CHI3L1: variants seen among roughly 807,000 people sequenced by gnomAD.
CHI3L1 encodes chitinase 3 like 1, also known as chitinase-3-like protein 1.
In CHI3L1, 30 loss-of-function variants were observed where a neutral mutation model predicts 40.7. That is an observed-to-expected ratio of 0.74 (90% confidence interval 0.55 to 1.00). The LOEUF (loss-of-function observed/expected upper bound fraction) is 1.00, where lower values mean the gene tolerates loss of function less well. CHI3L1 is among the 50% of genes least tolerant of loss of function. The probability of loss-of-function intolerance (pLI) is 0.00; values close to 1 mark genes in which losing one functional copy is unlikely to be tolerated. For synonymous variants in CHI3L1, 210 were observed against 192.1 expected (o/e 1.09, Z -0.77); for missense variants, 493 against 492.2 (o/e 1.00, Z -0.01).
chr1:203,182,717 G>C lies in CHI3L1; in HGVS notation c.587+14C>G. 1.2e-6 allele frequency: 2 copies of C among 1,613,818 alleles called. No homozygotes were observed. Among genetic ancestry groups the C allele is most frequent in the Non-Finnish European group, 1.7e-6 (2 of 1,179,996 alleles). On this transcript the variant is annotated intron_variant, in intron 6 of 9. Coordinates refer to ENST00000255409, the MANE Select transcript of CHI3L1 (RefSeq NM_001276.4). ...CAGAGGTTCTGGGGAGGCTGCCTGG[G>C]GCAGGAGACTCACTGGGATATCTTG...
rs1538372 is a variant in CHI3L1, at chr1:203,185,404, A to G, written c.56-19T>C. The G allele has an allele frequency of 0.66, 1,062,717 of 1,612,088 alleles. 350,973 individuals are homozygous for G. Among genetic ancestry groups the G allele is most frequent in the African/African-American group, 0.71 (52,932 of 74,892 alleles). The stretch of plus-strand genomic sequence containing the variant: ...GCAGAGCCTGAAGGAGAAGTCTGGG[A>G]TGGGGCCCGGGCCAGGATTCGGCAA... On this transcript the variant is annotated intron_variant, in intron 2 of 9. Coordinates refer to ENST00000255409, the MANE Select transcript of CHI3L1 (RefSeq NM_001276.4).
At chr1:203,186,286 C>T (rs371125563) in intron 2 of CHI3L1, 30 bp downstream of exon 2, 7 of 1,574,300 alleles carry the variant, frequency 4.4e-6, no homozygotes, top group Non-Finnish European at 6.0e-6. Flanking sequence ...CGCCTCTGGA[C>T]TTAAAAGTGG....
At chr1:203,181,536 G>A (rs1392988750) in intron 6 of CHI3L1, 10 of 320,234 alleles carry the variant, frequency 3.1e-5, no homozygotes, top group Non-Finnish European at 3.5e-5. Flanking sequence ...CAGGAGAATC[G>A]CTTGAACCCA....
At position 203,179,813 on chromosome 1, in the gene CHI3L1, G is replaced by T; in HGVS notation, c.959C>A (p.Thr320Asn). Residue 320 changes from threonine to asparagine, a missense_variant, in exon 9 of 10, where the codon ACC becomes AAC. Transcript: ENST00000255409. ...GTATCCTACCCACTGGTTGCCCTTG[G>T]TGGCATAGGGGACCTGCTGGCCGAG... Reference protein sequence around the residue: ...RILGQQVPYATKGNQWVGYDD... With the variant: ...RILGQQVPYANKGNQWVGYDD... 1 of 1,614,194 alleles carries T rather than the reference G, an allele frequency of 6.2e-7. No homozygotes were observed. Among genetic ancestry groups the T allele is most frequent in the Non-Finnish European group, 8.5e-7 (1 of 1,180,034 alleles).
intron 2 of CHI3L1, among the ~76,000 whole-genome samples, chr1:203,185,728 G>T (rs1281647194): frequency 6.6e-6 from 1 of 152,192 alleles, no homozygotes; most frequent in Non-Finnish European, 1.5e-5. Context: ...GGAAGCAGTG[G>T]CTTTGTGGGA....
In CHI3L1 at chr1:203,184,548, C is replaced by T. The variant is rs56066304; in HGVS notation, c.314+28G>A. 2.2e-3 allele frequency: 3,451 copies of T among 1,594,580 alleles called. 12 individuals are homozygous for T. The highest frequency in any genetic ancestry group is 0.012 in the Middle Eastern group (70 of 6,020). On this transcript the variant is annotated intron_variant, in intron 4 of 9. Coordinates refer to ENST00000255409, the MANE Select transcript of CHI3L1 (RefSeq NM_001276.4). Reference sequence around the variant, plus strand: ...TCACTCCTATGCCATCATCCTCTGCCGTCCTGCCCCTGGGGAGAGGCTCCT... The same window carrying T: ...TCACTCCTATGCCATCATCCTCTGCTGTCCTGCCCCTGGGGAGAGGCTCCT...
rs563362796 is a variant in CHI3L1, at chr1:203,179,544, T to C, written c.1053A>G (p.Val351=). Residue 351 remains valine (V), a synonymous_variant, in exon 10 of 10, where the codon GTA becomes GTG. Transcript: ENST00000255409. ...LKDRQLAGAM[V]WALDLDDFQG... ...GGAAGTCATCCAGGTCCAGGGCCCA[T>C]ACCATGGCGCCCGCCAGCTGCCTGT... The C allele has an allele frequency of 3.1e-6, 5 of 1,607,346 alleles. No homozygotes were observed. The East Asian group carries it at 6.7e-5, about 22-fold the overall frequency.
At position 203,180,042 on chromosome 1, in the gene CHI3L1, A is replaced by C. The variant is rs987804178; in HGVS notation, c.895-165T>G. On this transcript the variant is annotated intron_variant, in intron 8 of 9. Transcript: ENST00000255409. ...TGCATCACACAAGTTTATACAAACC[A>C]GAGGCAAATGACCCAGAGATGGTGG... 7.5e-5 allele frequency: 49 copies of C among 649,098 alleles called. No homozygotes were observed. The African/African-American group carries it at 7.6e-4, about 10-fold the overall frequency. The allele number at this position is 649,098 out of a possible 1,614,324, so 40.2% of individuals were successfully genotyped here.
chr1:203,179,861 C>T lies in CHI3L1; in HGVS notation c.911G>A (p.Arg304His), dbSNP rs761673532. The T allele has an allele frequency of 1.2e-5, 19 of 1,613,920 alleles. No homozygotes were observed. Among genetic ancestry groups the T allele is most frequent in the African/African-American group, 4.0e-5 (3 of 74,886 alleles). ...GAGGATTCTATGGACTGTGGCTCCG[C>T]GGAGGAAGTCACAGATCTGAGCAGA... ...LAYYEICDFL[R>H]GATVHRILGQ... Residue 304 changes from arginine (R) to histidine (H), a missense_variant, in exon 9 of 10, where the codon CGC (arginine) becomes CAC (histidine). By Grantham distance (29) the Arg-to-His change is conservative. Coordinates refer to ENST00000255409, the MANE Select transcript of CHI3L1 (RefSeq NM_001276.4).
At chr1:203,184,691 G>A (rs1656019500) in intron 3 of CHI3L1, 59 bp from the exon 4 acceptor site, 2 of 1,471,050 alleles carry the variant, frequency 1.4e-6, no homozygotes, top group African/African-American at 1.4e-5. Context: ...ATGACACTGG[G>A]TGGCCCCATG....
chr1:203,185,758 CTG>C (rs1656042816), intron 2 of CHI3L1, among the ~76,000 whole-genome samples: 1 of 152,174 alleles, frequency 6.6e-6, no homozygotes, highest in Admixed American at 6.5e-5. Flanking sequence ...CCAAGATAGC[CTG>C]TGTCACAGAT....
intron 6 of CHI3L1, among the ~76,000 whole-genome samples, chr1:203,182,397 G>A (rs972264486): frequency 6.6e-6 from 1 of 152,236 alleles, no homozygotes; most frequent in Admixed American, 6.5e-5. Context: ...GCTCTGCCTG[G>A]TGTGGAGAAA....
At position 203,183,637 on chromosome 1, in the gene CHI3L1, G is replaced by A. The variant is rs966521556; in HGVS notation, c.465+4C>T. On this transcript the variant is annotated splice_donor_region_variant and intron_variant, in intron 5 of 9. Coordinates refer to ENST00000255409, the MANE Select transcript of CHI3L1 (RefSeq NM_001276.4). ...TCCCTCCCTGTCCCTGACCTGACCA[G>A]CACCTTGATTAGGGTGGTAAAATGC... 5 of 1,614,012 alleles carry A rather than the reference G, an allele frequency of 3.1e-6. No individual in the cohort carries two copies. In the Admixed American group the frequency reaches 5.0e-5, roughly 16 times the overall value.
chr1:203,182,632 A>G (rs1655959304), intron 6 of CHI3L1, 99 bp downstream of exon 6: 1 of 1,374,510 alleles, frequency 7.3e-7, no homozygotes. Flanking sequence ...CTGGAAGCCC[A>G]GTGTCCTCAG....
At chr1:203,184,260 T>C (rs993664426) in intron 4 of CHI3L1, among the ~76,000 whole-genome samples, 6 of 152,292 alleles carry the variant, frequency 3.9e-5, no homozygotes, top group South Asian at 2.1e-4. Context: ...TTGGTTTCCA[T>C]CTCTCTCTTT....
Position 203,186,584 on chromosome 1 carries a change from G to C in CHI3L1, c.25+15C>G. The C allele has an allele frequency of 5.0e-6, 8 of 1,614,018 alleles. No homozygotes were observed. The highest frequency in any genetic ancestry group is 6.8e-6 in the Non-Finnish European group (8 of 1,179,986). On this transcript the variant is annotated intron_variant, in intron 1 of 9. Coordinates refer to ENST00000255409, the MANE Select transcript of CHI3L1 (RefSeq NM_001276.4). ...CCCACAACTCTGATGGATTAACCTT[G>C]GCTAGCCCAGATACCTGTTTGAGAC...
chr1:203,179,400 G>C lies in CHI3L1; in HGVS notation c.*45C>G, dbSNP rs749279657. On this transcript the variant is annotated 3_prime_UTR_variant, in exon 10 of 10. Coordinates refer to ENST00000255409, the MANE Select transcript of CHI3L1 (RefSeq NM_001276.4). ...GCTCCCGGCCAGCTGGAGCCAGAGG[G>C]GGACGGGGCATCCTTGGCCCCCGTG... The C allele has an allele frequency of 6.7e-7, 1 of 1,491,558 alleles. No homozygotes were observed. The allele number at this position is 1,491,558 out of a possible 1,614,324, so 92.4% of individuals were successfully genotyped here. A position where few individuals can be genotyped will look rare whatever the true frequency, so the allele number is the denominator to read the frequency against.
At chr1:203,180,077 C>G in intron 8 of CHI3L1, 200 bp from the exon 9 acceptor site, 1 of 602,328 alleles carries the variant, frequency 1.7e-6, no homozygotes. Context: ...GCTGCCTTGG[C>G]CCTGCTTAGC....
intron 1 of CHI3L1, 106 bp downstream of exon 1, chr1:203,186,492 CT>C: frequency 3.9e-6 from 6 of 1,545,736 alleles, no homozygotes; most frequent in Non-Finnish European, 5.4e-6. Flanking sequence ...TCTCCTCCCC[CT>C]CTGCCCACTC....
Sources: gnomAD v4.1 joint callset for allele counts (sites outside exome capture counted in the v4.1 genomes callset) on GRCh38, gnomAD v4.1.1 for gene constraint, MANE v1.5 for transcripts, NCBI Gene and HGNC (gene_info 2026-07-23, HGNC 2026-07-21) for gene names.